The following CHCHD3 variants were observed in gnomAD, a reference collection of about 807,000 sequenced individuals.
CHCHD3 encodes the protein MICOS complex subunit MIC19.
Under a neutral mutation model 38.2 loss-of-function variants are expected in CHCHD3, and 20 were observed. The observed-to-expected ratio is 0.52, with a 90% CI of 0.37 to 0.76. The LOEUF (loss-of-function observed/expected upper bound fraction) is 0.76, where lower values mean the gene tolerates loss of function less well. Ranked by LOEUF, CHCHD3 falls within the 30% of genes least tolerant of loss-of-function variation. The probability of loss-of-function intolerance (pLI) is 0.00; values close to 1 mark genes in which losing one functional copy is unlikely to be tolerated. For synonymous variants in CHCHD3, 82 were observed against 100.0 expected, an observed-to-expected ratio of 0.82 and a Z score of 1.07; for missense variants, 245 against 279.2, an observed-to-expected ratio of 0.88 and a Z score of 0.87.
At chr7:133,041,149 C>T (rs1164799085) in intron 2 of CHCHD3, among the ~76,000 whole-genome samples, 1 of 152,118 alleles carries the variant, frequency 6.6e-6, no homozygotes, top group Admixed American at 6.5e-5. Flanking sequence ...TTATTAGCTT[C>T]CCCGTAACTC....
At chr7:132,993,168 G>T (rs1026452078) in intron 3 of CHCHD3, among the ~76,000 whole-genome samples, 5 of 152,180 alleles carry the variant, frequency 3.3e-5, no homozygotes, top group African/African-American at 1.2e-4. Flanking sequence ...ATGACTAGGT[G>T]TGCATGTTTT....
intron 3 of CHCHD3, among the ~76,000 whole-genome samples, chr7:132,986,260 A>G (rs1812117278): frequency 1.4e-5 from 2 of 147,338 alleles, no homozygotes; most frequent in Admixed American, 1.3e-4. Context: ...AGGGACATAA[A>G]CACTGCGGAA....
chr7:132,804,574 A>T (rs985137367), intron 6 of CHCHD3, among the ~76,000 whole-genome samples: 1 of 152,230 alleles, frequency 6.6e-6, no homozygotes, highest in African/African-American at 2.4e-5. Context: ...TACCAAGAGA[A>T]GTCAAGAACA....
intron 4 of CHCHD3, among the ~76,000 whole-genome samples, chr7:132,929,209 T>C (rs1042386328): frequency 1.3e-5 from 2 of 152,198 alleles, no homozygotes; most frequent in South Asian, 2.1e-4. Context: ...TTACAAATGA[T>C]AGCAACTGAT....
intron 2 of CHCHD3, among the ~76,000 whole-genome samples, chr7:133,066,282 T>TCTCA (rs2117530895): frequency 6.8e-6 from 1 of 146,668 alleles, no homozygotes; most frequent in South Asian, 2.2e-4. Context: ...TGAGATGGAG[T>TCTCA]CTCACTCTGT....
intron 6 of CHCHD3, among the ~76,000 whole-genome samples, chr7:132,824,336 T>TTTTTTTTTTTTC (rs1807454286): frequency 6.9e-6 from 1 of 145,514 alleles, no homozygotes; most frequent in Non-Finnish European, 1.5e-5. Context: ...TTTTTTTTTT[T>TTTTTTTTTTTTC]GAGACGGAGT....
At chr7:132,873,989 G>T (rs1297238425) in intron 5 of CHCHD3, among the ~76,000 whole-genome samples, 1 of 152,172 alleles carries the variant, frequency 6.6e-6, no homozygotes, top group African/African-American at 2.4e-5. Context: ...GCAGAATAAG[G>T]TCTAACTTGA....
At chr7:133,012,576 C>A (rs1812903824) in intron 3 of CHCHD3, among the ~76,000 whole-genome samples, 1 of 151,956 alleles carries the variant, frequency 6.6e-6, no homozygotes, top group African/African-American at 2.4e-5. Flanking sequence ...CCAGCCTGGG[C>A]AACAAGGTGA....
intron 4 of CHCHD3, among the ~76,000 whole-genome samples, chr7:132,890,481 C>T (rs1220314917): frequency 2.0e-5 from 3 of 152,146 alleles, no homozygotes; most frequent in Non-Finnish European, 4.4e-5. Flanking sequence ...AGTGTGGCAC[C>T]AACTGCATGG....
intron 4 of CHCHD3, 60 bp from the exon 5 acceptor site, chr7:132,885,805 G>A: frequency 1.6e-6 from 2 of 1,226,484 alleles, no homozygotes; most frequent in South Asian, 2.9e-5. Flanking sequence ...CAAAGCAAAA[G>A]TCAAGAATAA....
rs1284120510 is a variant in CHCHD3, at chr7:133,035,781, G to A, written c.170-11154C>T. ...GGCAGGAAATTTGCGAAGAAATTCA[G>A]AGGTGCGGTTGGTTTGGCCAAAATG... On this transcript the variant is annotated intron_variant, in intron 2 of 7. Transcript: ENST00000262570. This position sits in a 1 kb window ranked among gnomAD's most constrained non-coding sequence, Gnocchi z 4.7. The A allele has an allele frequency of 1.2e-6, 2 of 1,613,270 alleles. No homozygotes were observed. Among genetic ancestry groups the A allele is most frequent in the East Asian group, 4.5e-5 (2 of 44,874 alleles).
intron 6 of CHCHD3, among the ~76,000 whole-genome samples, chr7:132,802,786 G>T (rs1265704800): frequency 6.6e-6 from 1 of 152,074 alleles, no homozygotes; most frequent in African/African-American, 2.4e-5. Flanking sequence ...ACTCAATCTG[G>T]AAGGACCCCA....
chr7:132,897,162 C>T lies in CHCHD3; in HGVS notation c.370-11417G>A, dbSNP rs1334959132. Among the ~76,000 whole-genome samples the T allele has an allele frequency of 9.2e-5, 14 of 152,318 alleles. No individual in the cohort carries two copies. In the East Asian group the frequency reaches 1.9e-3, roughly 21 times the overall value. ...TTATTCCATATTGTGGGGAATAAAA[C>T]TTCCATTTCCAGGCACTTACATATA... On this transcript the variant is annotated intron_variant, in intron 4 of 7. Coordinates refer to ENST00000262570, the MANE Select transcript of CHCHD3 (RefSeq NM_017812.4).
chr7:132,973,681 T>G, intron 4 of CHCHD3: 2 of 1,026,702 alleles, frequency 1.9e-6, no homozygotes, highest in Non-Finnish European at 2.3e-6. Flanking sequence ...AAGAAACTGA[T>G]TCATTACGCA....
chr7:132,838,388 TA>T lies in CHCHD3; in HGVS notation c.524+10del. On this transcript the variant is annotated intron_variant, in intron 6 of 7. Transcript: ENST00000262570. ...GAATAGTAAATAATTATAATACTAT[TA>T]AAAACTTACTTGAACTTTGCTTCCA... 1 of 1,579,448 alleles carries T rather than the reference TA, an allele frequency of 6.3e-7. No individual in the cohort carries two copies. Among genetic ancestry groups the T allele is most frequent in the Non-Finnish European group, 8.7e-7 (1 of 1,150,198 alleles).
chr7:133,043,573 G>C (rs949820216), intron 2 of CHCHD3, among the ~76,000 whole-genome samples: 1 of 151,736 alleles, frequency 6.6e-6, no homozygotes, highest in African/African-American at 2.4e-5. Flanking sequence ...TTGAACCCGG[G>C]AGGCGGAGGT....
intron 5 of CHCHD3, among the ~76,000 whole-genome samples, chr7:132,871,756 A>T (rs1373822861): frequency 6.6e-6 from 1 of 151,368 alleles, no homozygotes. Flanking sequence ...TGCTTCAGTG[A>T]CTGTGTGTCA....
At chr7:132,827,173 T>C (rs1301196370) in intron 6 of CHCHD3, among the ~76,000 whole-genome samples, 1 of 152,174 alleles carries the variant, frequency 6.6e-6, no homozygotes, top group African/African-American at 2.4e-5. Flanking sequence ...GAATTCCCAA[T>C]ATTTGGGGTA....
intron 5 of CHCHD3, among the ~76,000 whole-genome samples, chr7:132,853,851 C>T (rs976850820): frequency 6.6e-6 from 1 of 152,110 alleles, no homozygotes; most frequent in African/African-American, 2.4e-5. Context: ...ACAGAAAATA[C>T]CATTCTTTCA....
Sources: gnomAD v4.1 joint callset for allele counts (sites outside exome capture counted in the v4.1 genomes callset) on GRCh38, gnomAD v4.1.1 for gene constraint, Gnocchi (gnomAD v3.1) non-coding constraint, MANE v1.5 for transcripts, NCBI Gene and HGNC (gene_info 2026-07-23, HGNC 2026-07-21) for gene names.